KPNA6: variants seen among roughly 807,000 people sequenced by gnomAD.
The protein encoded by KPNA6 is importin subunit alpha-7.
In KPNA6, 9 loss-of-function variants were observed where a neutral mutation model predicts 72.0. That is an observed-to-expected ratio of 0.13 (90% confidence interval 0.08 to 0.22). KPNA6 has a LOEUF of 0.22. Among genes scored for constraint, KPNA6 ranks in the 10% least tolerant of loss-of-function variants. The pLI is 1.00. For synonymous variants in KPNA6, 219 were observed against 242.1 expected (o/e 0.90, Z 0.89); for missense variants, 374 against 655.7 (o/e 0.57, Z 4.69).
rs1299802475 is a variant in KPNA6, at chr1:32,159,321, T to C, written c.427-79T>C. 4.1e-6 allele frequency: 6 copies of C among 1,471,194 alleles called. No homozygotes were observed. In the African/African-American group the frequency reaches 8.5e-5, roughly 21 times the overall value. The allele number at this position is 1,471,194 out of a possible 1,614,324, so 91.1% of individuals were successfully genotyped here. ...TTTTTTAAATTCATGGGCAGGAGGC[T>C]TACTGTTCTGAGCCAGCTGATAGGC... On this transcript the variant is annotated intron_variant, in intron 5 of 13. Transcript: ENST00000373625.
intron 1 of KPNA6, among the ~76,000 whole-genome samples, chr1:32,113,002 T>TA (rs1224012818): frequency 4.6e-5 from 7 of 152,318 alleles, no homozygotes; most frequent in Admixed American, 4.6e-4. Flanking sequence ...TGTAATGTGA[T>TA]ACTGTTTGAT....
chr1:32,140,255 G>C (rs1478531162), intron 1 of KPNA6, among the ~76,000 whole-genome samples: 1 of 152,084 alleles, frequency 6.6e-6, no homozygotes, highest in Non-Finnish European at 1.5e-5. Context: ...ATGGTGGTGT[G>C]AACCTGTAAT....
At chr1:32,157,045 A>G (rs948156402) in intron 3 of KPNA6, 100 bp downstream of exon 3, 5 of 831,764 alleles carry the variant, frequency 6.0e-6, no homozygotes, top group Non-Finnish European at 7.8e-6. Flanking sequence ...GCCAGTAACC[A>G]TGACAAGTTC....
chr1:32,118,973 T>C (rs1438945439), intron 1 of KPNA6, among the ~76,000 whole-genome samples: 4 of 110,422 alleles, frequency 3.6e-5, no homozygotes, highest in Non-Finnish European at 6.7e-5. Context: ...GCCATATATA[T>C]GTGTGTGTGT....
intron 1 of KPNA6, among the ~76,000 whole-genome samples, chr1:32,128,387 T>TTTTATA (rs368301655): frequency 4.2e-5 from 3 of 72,168 alleles, no homozygotes; most frequent in Admixed American, 1.8e-4. Flanking sequence ...ATATATGTAT[T>TTTTATA]TATATATATA....
intron 1 of KPNA6, among the ~76,000 whole-genome samples, chr1:32,150,865 T>A (rs1283799136): frequency 1.3e-5 from 2 of 150,000 alleles, no homozygotes; most frequent in Non-Finnish European, 3.0e-5. Flanking sequence ...GACCTCGTGG[T>A]CCGCCCACCT....
At chr1:32,167,963 C>A (rs1048648173) in intron 12 of KPNA6, among the ~76,000 whole-genome samples, 3 of 151,940 alleles carry the variant, frequency 2.0e-5, no homozygotes, top group Non-Finnish European at 2.9e-5. Context: ...CCCAGGAGTT[C>A]AAGACTAGCC....
chr1:32,160,987 C>G (rs143524334), intron 7 of KPNA6, among the ~76,000 whole-genome samples: 1,786 of 152,192 alleles, frequency 0.012, 20 homozygotes, highest in Non-Finnish European at 0.017. Flanking sequence ...GAAACCCCAA[C>G]TCTACAAAAA....
chr1:32,129,645 T>TC (rs921757891), intron 1 of KPNA6, among the ~76,000 whole-genome samples: 6 of 152,174 alleles, frequency 3.9e-5, no homozygotes, highest in African/African-American at 1.4e-4. Flanking sequence ...AGCCTTGATC[T>TC]CCCGGGCTCA....
chr1:32,125,470 C>T (rs571271396), intron 1 of KPNA6, among the ~76,000 whole-genome samples: 12 of 151,858 alleles, frequency 7.9e-5, no homozygotes, highest in Non-Finnish European at 1.2e-4. Context: ...CGAGATCCAG[C>T]GATCAATCAA....
intron 1 of KPNA6, among the ~76,000 whole-genome samples, chr1:32,136,675 CAGA>C (rs1641741177): frequency 6.6e-6 from 1 of 152,180 alleles, no homozygotes; most frequent in Admixed American, 6.5e-5. Flanking sequence ...TTCAGAGTAT[CAGA>C]GGAGAGATCA....
intron 1 of KPNA6, among the ~76,000 whole-genome samples, chr1:32,138,873 A>ATTTG (rs1362133973): frequency 1.3e-5 from 2 of 152,086 alleles, no homozygotes; most frequent in Non-Finnish European, 2.9e-5. Flanking sequence ...TTTCTGAGGT[A>ATTTG]TTTGTGTCTT....
chr1:32,157,300 G>C lies in KPNA6; in HGVS notation c.232-46G>C, dbSNP rs769345596. ...AAGCAGTATTATGTGCTCACATCTG[G>C]CTCTAATGTTGGTTTGCAAAGTCCT... On this transcript the variant is annotated intron_variant, in intron 3 of 13. Coordinates refer to ENST00000373625, the MANE Select transcript of KPNA6 (RefSeq NM_012316.5). 7 of 1,426,290 alleles carry C rather than the reference G, an allele frequency of 4.9e-6. No individual in the cohort carries two copies. In the African/African-American group the frequency reaches 7.0e-5, roughly 14 times the overall value. The allele number at this position is 1,426,290 out of a possible 1,614,324, so 88.4% of individuals were successfully genotyped here. A position where few individuals can be genotyped will look rare whatever the true frequency, so the allele number is the denominator to read the frequency against.
chr1:32,168,171 C>CA (rs1642372784), intron 12 of KPNA6, among the ~76,000 whole-genome samples: 1 of 152,118 alleles, frequency 6.6e-6, no homozygotes, highest in African/African-American at 2.4e-5. Context: ...CTGTCTCAAA[C>CA]AAAAAAGCAG....
At chr1:32,167,860 A>C (rs1474162351) in intron 12 of KPNA6, among the ~76,000 whole-genome samples, 2 of 148,370 alleles carry the variant, frequency 1.3e-5, no homozygotes, top group East Asian at 1.9e-4. Flanking sequence ...TCACAAAAAA[A>C]AAAAAAAACA....
chr1:32,156,786 A>C (rs1372165420), intron 2 of KPNA6, 67 bp from the exon 3 acceptor site: 3 of 1,224,330 alleles, frequency 2.5e-6, no homozygotes. Flanking sequence ...CCATAATTTA[A>C]CATTGGATTG....
chr1:32,132,400 GCAATCCTC>G (rs1641654607), intron 1 of KPNA6, among the ~76,000 whole-genome samples: 1 of 152,146 alleles, frequency 6.6e-6, no homozygotes, highest in East Asian at 1.9e-4. Flanking sequence ...AAGGGCTCAG[GCAATCCTC>G]CCACCTCCCA....
At position 32,176,097 on chromosome 1, in the gene KPNA6, A is replaced by C. The variant is rs1642523594; in HGVS notation, c.*5203A>C. 1 of 146,698 alleles carries C rather than the reference A, an allele frequency of 6.8e-6. No homozygotes were observed. The highest frequency in any genetic ancestry group is 2.1e-4 in the South Asian group (1 of 4,696). 9.1% of individuals were successfully genotyped at this position (146,698 alleles called of 1,614,324 possible). A position where few individuals can be genotyped will look rare whatever the true frequency, so the allele number is the denominator to read the frequency against. On this transcript the variant is annotated 3_prime_UTR_variant, in exon 14 of 14. Transcript: ENST00000373625. ...GGCGACAGGGTGAGGCTCTTGTCTCAAAAAAAAAAGTCCACATCTTCATGA... is the reference window on the plus strand; with the variant it reads ...GGCGACAGGGTGAGGCTCTTGTCTCCAAAAAAAAAGTCCACATCTTCATGA...
At position 32,111,950 on chromosome 1, in the gene KPNA6, A is replaced by G. The variant is rs1378660751; in HGVS notation, c.4+3816A>G. On this transcript the variant is annotated intron_variant, in intron 1 of 13. Transcript: ENST00000373625. The stretch of plus-strand genomic sequence containing the variant: ...AGACACTACTTGTCTTTTCACCATT[A>G]CTACTACTGTGCTAACTGGGAATCT... 2.0e-5 allele frequency among the ~76,000 whole-genome samples: 3 copies of G among 152,068 alleles called. No individual in the cohort carries two copies. The East Asian group carries it at 5.8e-4, about 29-fold the overall frequency.
Sources: allele counts gnomAD v4.1 joint callset (sites outside exome capture counted in the v4.1 genomes callset), GRCh38; gene constraint gnomAD v4.1.1; transcripts MANE v1.5; gene names NCBI Gene and HGNC (gene_info 2026-07-23, HGNC 2026-07-21).